Variants in NCAM2 observed in about 807,000 individuals in gnomAD.
The protein encoded by NCAM2 is neural cell adhesion molecule 2.
NCAM2 carries 30 observed loss-of-function variants against 98.1 expected under a neutral mutation model. The observed-to-expected ratio is 0.31, with a 90% CI of 0.23 to 0.41. The LOEUF (loss-of-function observed/expected upper bound fraction) is 0.41, where lower values mean the gene tolerates loss of function less well. NCAM2 is among the 10% of genes least tolerant of loss of function. The pLI is 1.00. For synonymous variants in NCAM2, 368 were observed against 342.4 expected (o/e 1.07, Z -0.83); for missense variants, 867 against 1,005.8 (o/e 0.86, Z 1.87).
At chr21:21,148,531 G>A (rs1569076756) in intron 1 of NCAM2, among the ~76,000 whole-genome samples, 3 of 152,158 alleles carry the variant, frequency 2.0e-5, no homozygotes, top group African/African-American at 7.2e-5. Flanking sequence ...AAAGTGTGCA[G>A]ATATACAGTG....
rs552044077 is a variant in NCAM2 at position 21,505,979 on chromosome 21, G to A, written c.2078-2872G>A. ...ATGGCTTACCCCAAAAGCTAATGAT[G>A]GTAAGTGATGAAACCAGGCGTTTCT... On this transcript the variant is annotated intron_variant, in intron 15 of 17. Coordinates refer to ENST00000400546, the MANE Select transcript of NCAM2 (RefSeq NM_004540.5). Among the ~76,000 whole-genome samples, 21 of 151,952 alleles carry A rather than the reference G, an allele frequency of 1.4e-4. No homozygotes were observed. The East Asian group carries it at 1.7e-3, about 13-fold the overall frequency.
intron 1 of NCAM2, among the ~76,000 whole-genome samples, chr21:21,205,865 A>G (rs1008531723): frequency 6.6e-6 from 1 of 152,088 alleles, no homozygotes; most frequent in Non-Finnish European, 1.5e-5. Context: ...GTGCACTCAC[A>G]TGGTAGAATG....
chr21:21,439,901 A>G (rs570130902), intron 12 of NCAM2, among the ~76,000 whole-genome samples: 2 of 152,326 alleles, frequency 1.3e-5, no homozygotes, highest in African/African-American at 4.8e-5. Context: ...TCATTCATAT[A>G]CTGAGTCATT....
intron 5 of NCAM2, among the ~76,000 whole-genome samples, chr21:21,302,400 G>A (rs1464540546): frequency 6.6e-6 from 1 of 151,840 alleles, no homozygotes; most frequent in Non-Finnish European, 1.5e-5. Flanking sequence ...TGTTTTTTTG[G>A]CCTTGTTGAA....
chr21:21,414,890 A>G (rs886466501), intron 10 of NCAM2, among the ~76,000 whole-genome samples: 1 of 152,030 alleles, frequency 6.6e-6, no homozygotes, highest in Admixed American at 6.5e-5. Flanking sequence ...GTATATGTCT[A>G]TCAGAGCTCT....
At chr21:21,358,260 G>A (rs551294680) in intron 8 of NCAM2, among the ~76,000 whole-genome samples, 4 of 152,118 alleles carry the variant, frequency 2.6e-5, no homozygotes, top group Admixed American at 1.3e-4. Context: ...ACTTTTGTAC[G>A]TAAGAATCAC....
intron 12 of NCAM2, among the ~76,000 whole-genome samples, chr21:21,455,739 A>T (rs555090178): frequency 2.0e-5 from 3 of 152,156 alleles, no homozygotes; most frequent in African/African-American, 7.2e-5. Context: ...AAAATATTTA[A>T]ATAAATAACT....
intron 9 of NCAM2, among the ~76,000 whole-genome samples, chr21:21,408,538 A>C (rs1028061310): frequency 5.3e-5 from 8 of 152,122 alleles, no homozygotes; most frequent in Non-Finnish European, 1.0e-4. Context: ...TATTCCCTTT[A>C]ATAATAGATG....
At chr21:21,000,347 A>G (rs2063995982) in intron 1 of NCAM2, among the ~76,000 whole-genome samples, 1 of 152,230 alleles carries the variant, frequency 6.6e-6, no homozygotes, top group Admixed American at 6.5e-5. Flanking sequence ...TTAGGATTAC[A>G]TTGTGAGTGG....
At chr21:21,093,817 G>C (rs2066063270) in intron 1 of NCAM2, among the ~76,000 whole-genome samples, 3 of 151,916 alleles carry the variant, frequency 2.0e-5, no homozygotes, top group Non-Finnish European at 4.4e-5. Flanking sequence ...TGGAGTCTAG[G>C]CTCTAAATTA....
chr21:21,524,038 CCA>C (rs35446366), intron 16 of NCAM2, among the ~76,000 whole-genome samples: 51,730 of 148,318 alleles, frequency 0.35, 9,183 homozygotes, highest in Admixed American at 0.49. Flanking sequence ...CAGATATTGT[CCA>C]CACACACACA....
At chr21:21,447,477 G>A (rs979560167) in intron 12 of NCAM2, among the ~76,000 whole-genome samples, 1 of 152,106 alleles carries the variant, frequency 6.6e-6, no homozygotes, top group African/African-American at 2.4e-5. Context: ...TGCAGTTCAA[G>A]ACGTAGGCAT....
At chr21:21,179,574 T>A (rs956239579) in intron 1 of NCAM2, among the ~76,000 whole-genome samples, 1 of 152,228 alleles carries the variant, frequency 6.6e-6, no homozygotes, top group Non-Finnish European at 1.5e-5. Context: ...CTTTTATGTG[T>A]GACATTTGTC....
chr21:21,493,639 T>C (rs1987003659), intron 15 of NCAM2, among the ~76,000 whole-genome samples: 1 of 151,930 alleles, frequency 6.6e-6, no homozygotes, highest in Admixed American at 6.6e-5. Context: ...ATGACCTGTA[T>C]CCACCATTTT....
intron 12 of NCAM2, among the ~76,000 whole-genome samples, chr21:21,464,015 G>C (rs1983345602): frequency 6.6e-6 from 1 of 152,058 alleles, no homozygotes; most frequent in Non-Finnish European, 1.5e-5. Flanking sequence ...CTAGAATAAT[G>C]ATCTCTACAC....
intron 1 of NCAM2, among the ~76,000 whole-genome samples, chr21:21,251,678 T>C (rs2071475817): frequency 6.6e-6 from 1 of 152,002 alleles, no homozygotes; most frequent in African/African-American, 2.4e-5. Context: ...TTTCTGGTTC[T>C]AGATCTTTGA....
intron 11 of NCAM2, among the ~76,000 whole-genome samples, chr21:21,431,780 T>C (rs1013954008): frequency 6.6e-6 from 1 of 152,164 alleles, no homozygotes; most frequent in Non-Finnish European, 1.5e-5. Context: ...TTATTTTTTT[T>C]TCTTAAACAC....
Position 21,538,111 on chromosome 21 carries a change from T to TA in NCAM2, c.*154_*155insA, listed in dbSNP as rs1990083722. 2.5e-6 allele frequency: 1 copy of TA among 402,118 alleles called. No homozygotes were observed. The highest frequency in any genetic ancestry group is 4.5e-5 in the Admixed American group (1 of 22,304). 24.9% of individuals were successfully genotyped at this position (402,118 alleles called of 1,614,324 possible). ...ACATATGATCAAATACTCCTGCCCA[T>TA]GATCCATTCCCTTTTGTTATTGTTG... is the stretch of plus-strand genomic sequence containing the variant. On this transcript the variant is annotated 3_prime_UTR_variant, in exon 18 of 18. Coordinates refer to ENST00000400546, the MANE Select transcript of NCAM2 (RefSeq NM_004540.5).
At chr21:21,440,540 G>C (rs567795751) in intron 12 of NCAM2, among the ~76,000 whole-genome samples, 15 of 152,090 alleles carry the variant, frequency 9.9e-5, no homozygotes, top group African/African-American at 2.7e-4. Flanking sequence ...AATTAGCTGG[G>C]TGTGGTGGCA....
Sources: gnomAD v4.1 joint callset for allele counts (sites outside exome capture counted in the v4.1 genomes callset) on GRCh38, gnomAD v4.1.1 for gene constraint, MANE v1.5 for transcripts, NCBI Gene and HGNC (gene_info 2026-07-23, HGNC 2026-07-21) for gene names.